CSMD1: variants seen among roughly 807,000 people sequenced by gnomAD.
CSMD1 encodes CUB and Sushi multiple domains 1, also known as CUB and sushi domain-containing protein 1.
A neutral mutation model predicts 417.5 loss-of-function variants in CSMD1; 213 were observed. That is an observed-to-expected ratio of 0.51 (90% CI 0.46 to 0.57). CSMD1 has a LOEUF of 0.57. CSMD1 is among the 20% of genes least tolerant of loss of function. The pLI is 0.00. For missense variants in CSMD1, 6,923 were observed against 4,529.7 expected, an observed-to-expected ratio of 1.53 and a Z score of -15.17; for synonymous variants, 2,862 against 1,736.8, an observed-to-expected ratio of 1.65 and a Z score of -16.11.
chr8:3,108,919 C>T (rs1198241743), intron 43 of CSMD1, among the ~76,000 whole-genome samples, 171 bp from the exon 44 acceptor site: 2 of 152,202 alleles, frequency 1.3e-5, no homozygotes, highest in African/African-American at 4.8e-5. Flanking sequence ...AGTTGAGGAA[C>T]CCTCCAGTCT....
chr8:4,286,244 C>T (rs1015201482), intron 3 of CSMD1, among the ~76,000 whole-genome samples: 1 of 152,182 alleles, frequency 6.6e-6, no homozygotes, highest in Non-Finnish European at 1.5e-5. Context: ...CATTGCGTCT[C>T]TCCGCCATGC....
intron 12 of CSMD1, among the ~76,000 whole-genome samples, chr8:3,442,029 G>A (rs1225317085): frequency 1.3e-5 from 2 of 150,782 alleles, no homozygotes; most frequent in African/African-American, 4.9e-5. Context: ...GTGTGTTTGT[G>A]TATTAGTTTT....
intron 7 of CSMD1, among the ~76,000 whole-genome samples, chr8:3,622,405 C>T (rs1363268834): frequency 6.6e-6 from 1 of 152,170 alleles, no homozygotes; most frequent in Non-Finnish European, 1.5e-5. Context: ...GTTGAAAATA[C>T]AACACACCAA....
chr8:3,612,956 A>G, intron 8 of CSMD1, among the ~76,000 whole-genome samples: 1 of 152,106 alleles, frequency 6.6e-6, no homozygotes, highest in East Asian at 1.9e-4. Context: ...AATTGAAGAG[A>G]AACTAAACAA....
intron 8 of CSMD1, among the ~76,000 whole-genome samples, chr8:3,607,545 T>C (rs773215886): frequency 6.6e-6 from 1 of 152,146 alleles, no homozygotes; most frequent in African/African-American, 2.4e-5. Flanking sequence ...GCCGCAAACA[T>C]GTGAGGACTG....
intron 3 of CSMD1, among the ~76,000 whole-genome samples, chr8:4,411,065 G>A (rs545674734): frequency 2.0e-5 from 3 of 151,976 alleles, no homozygotes; most frequent in Admixed American, 6.6e-5. Context: ...CACTCCACCC[G>A]TTTATGAGGA....
At chr8:4,484,200 G>GAA (rs79443875) in intron 2 of CSMD1, among the ~76,000 whole-genome samples, 8 of 105,398 alleles carry the variant, frequency 7.6e-5, no homozygotes, top group Non-Finnish European at 8.0e-5. Context: ...TGGATGACAC[G>GAA]AAAAAAAAAA....
chr8:3,269,709 C>A (rs1168818414), intron 26 of CSMD1, among the ~76,000 whole-genome samples: 1 of 152,170 alleles, frequency 6.6e-6, no homozygotes, highest in African/African-American at 2.4e-5. Context: ...GTGTGCTGAA[C>A]TCCATTTTCG....
At chr8:4,902,861 T>A (rs1447472943) in intron 1 of CSMD1, among the ~76,000 whole-genome samples, 2 of 151,818 alleles carry the variant, frequency 1.3e-5, no homozygotes, top group Non-Finnish European at 1.5e-5. Flanking sequence ...ATCATTTATG[T>A]TTTTTCTATA....
At chr8:3,804,293 T>C (rs1388152315) in intron 5 of CSMD1, among the ~76,000 whole-genome samples, 2 of 152,148 alleles carry the variant, frequency 1.3e-5, no homozygotes, top group African/African-American at 4.8e-5. Context: ...AATACTAAAA[T>C]AAATAATTTT....
intron 5 of CSMD1, among the ~76,000 whole-genome samples, chr8:3,992,252 GC>G (rs1429094997): frequency 6.6e-6 from 1 of 151,872 alleles, no homozygotes; most frequent in Non-Finnish European, 1.5e-5. Flanking sequence ...ACACTTCTAA[GC>G]TCTATTTTTC....
chr8:3,553,741 A>G (rs961332572), intron 10 of CSMD1, among the ~76,000 whole-genome samples: 6 of 152,244 alleles, frequency 3.9e-5, no homozygotes, highest in Non-Finnish European at 8.8e-5. Context: ...TGAAGTAGAC[A>G]TATAAATTAA....
Position 4,267,515 on chromosome 8 carries a change from T to C in CSMD1, c.415+152438A>G, listed in dbSNP as rs536905786. On this transcript the variant is annotated intron_variant, in intron 3 of 69. Transcript: ENST00000635120. ...TCTTCATATCTAAACGCAGTAAGTATTGATCCCAGCTACACTGCAACTCCA... is the reference window on the plus strand; with the variant it reads ...TCTTCATATCTAAACGCAGTAAGTACTGATCCCAGCTACACTGCAACTCCA... Among the ~76,000 whole-genome samples, 142 of 151,926 alleles carry C rather than the reference T, an allele frequency of 9.3e-4. 5 individuals carry two copies. In the South Asian group the frequency reaches 0.027, roughly 29 times the overall value.
At chr8:4,283,596 C>G (rs912728172) in intron 3 of CSMD1, among the ~76,000 whole-genome samples, 3 of 152,110 alleles carry the variant, frequency 2.0e-5, no homozygotes, top group Non-Finnish European at 2.9e-5. Flanking sequence ...TTAGGAAACC[C>G]AGGTCCTTGG....
intron 17 of CSMD1, among the ~76,000 whole-genome samples, chr8:3,387,993 G>C (rs555538414): frequency 2.6e-4 from 40 of 152,180 alleles, no homozygotes; most frequent in African/African-American, 9.6e-4. Flanking sequence ...ACTAAATAAA[G>C]TCTAAGACTT....
intron 4 of CSMD1, among the ~76,000 whole-genome samples, chr8:4,015,601 T>G (rs951845195): frequency 6.9e-6 from 1 of 145,512 alleles, no homozygotes; most frequent in Non-Finnish European, 1.5e-5. Flanking sequence ...GCCCAATGAC[T>G]ATCATTCAGT....
intron 1 of CSMD1, among the ~76,000 whole-genome samples, chr8:4,718,901 G>C (rs1808861627): frequency 6.6e-6 from 1 of 152,010 alleles, no homozygotes; most frequent in Admixed American, 6.6e-5. Context: ...TGAACTCTAT[G>C]ACATTGTATT....
At chr8:4,890,858 G>A (rs141599527) in intron 1 of CSMD1, among the ~76,000 whole-genome samples, 10 of 152,234 alleles carry the variant, frequency 6.6e-5, no homozygotes, top group African/African-American at 2.2e-4. Context: ...AGATCACATT[G>A]AGTGACAAGA....
chr8:3,841,714 C>G (rs758931937), intron 5 of CSMD1, among the ~76,000 whole-genome samples: 1 of 151,932 alleles, frequency 6.6e-6, no homozygotes, highest in Non-Finnish European at 1.5e-5. Context: ...TATATAATAT[C>G]AAAACTACAA....
Sources: allele counts gnomAD v4.1 joint callset (sites outside exome capture counted in the v4.1 genomes callset), GRCh38; gene constraint gnomAD v4.1.1; transcripts MANE v1.5; gene names NCBI Gene and HGNC (gene_info 2026-07-23, HGNC 2026-07-21).